The following CIITA variants were observed in gnomAD, a reference collection of about 807,000 sequenced individuals.
The protein encoded by CIITA is MHC class II transactivator.
In CIITA, 72 loss-of-function variants were observed where a neutral mutation model predicts 115.1. That is an observed-to-expected ratio of 0.63 (90% confidence interval 0.52 to 0.76). The LOEUF (loss-of-function observed/expected upper bound fraction) is 0.76, where lower values mean the gene tolerates loss of function less well. Among genes scored for constraint, CIITA ranks in the 30% least tolerant of loss-of-function variants. CIITA has a pLI of 0.00. For missense variants in CIITA, 1,617 were observed against 1,463.8 expected, an observed-to-expected ratio of 1.10 and a Z score of -1.71; for synonymous variants, 763 against 635.6, an observed-to-expected ratio of 1.20 and a Z score of -3.02.
intron 3 of CIITA, among the ~76,000 whole-genome samples, 178 bp from the exon 4 acceptor site, chr16:10,898,492 T>C (rs1170462460): frequency 6.6e-6 from 1 of 151,446 alleles, no homozygotes; most frequent in East Asian, 2.0e-4. Flanking sequence ...TTTGATTAGA[T>C]TAAGGGCCCC....
chr16:10,918,717 T>C (rs934387723), intron 16 of CIITA, among the ~76,000 whole-genome samples, 191 bp downstream of exon 16: 4 of 152,246 alleles, frequency 2.6e-5, no homozygotes, highest in African/African-American at 9.6e-5. Context: ...GCCGCTGTTT[T>C]CTTACCTGGA....
At chr16:10,903,004 G>T (rs2038893763) in intron 8 of CIITA, among the ~76,000 whole-genome samples, 1 of 152,216 alleles carries the variant, frequency 6.6e-6, no homozygotes. Context: ...CTGGGTGCAT[G>T]ACCAAGAGTG....
intron 15 of CIITA, among the ~76,000 whole-genome samples, chr16:10,917,831 C>T (rs1567442623): frequency 6.6e-6 from 1 of 152,162 alleles, no homozygotes; most frequent in Admixed American, 6.5e-5. Flanking sequence ...CCCACACTCC[C>T]CCTCACAACC....
Position 10,883,759 on chromosome 16 carries a change from A to T in CIITA, c.52+6377A>T, listed in dbSNP as rs138224677. Among the ~76,000 whole-genome samples the T allele has an allele frequency of 3.3e-3, 502 of 152,330 alleles. 3 individuals carry two copies. Among genetic ancestry groups the T allele is most frequent in the African/African-American group, 0.012 (484 of 41,574 alleles). On this transcript the variant is annotated intron_variant, in intron 1 of 19. Transcript: ENST00000324288. ...TTACTGGGGACATTCACAGGAGGGA[A>T]CACCCGAAGGAAAAGGGAAGAAAGC...
chr16:10,877,463 C>T, intron 1 of CIITA, 81 bp downstream of exon 1: 1 of 1,419,410 alleles, frequency 7.0e-7, no homozygotes, highest in Non-Finnish European at 9.8e-7. Context: ...AGAAACCATT[C>T]TGAATTGGGG....
upstream of CIITA, among the ~76,000 whole-genome samples, chr16:10,875,984 A>AG (rs1297858043): frequency 8.5e-5 from 13 of 152,262 alleles, no homozygotes; most frequent in Middle Eastern, 3.4e-3. Flanking sequence ...AAAGAAAAAA[A>AG]GAAAAGAAAA....
chr16:10,902,848 C>T, intron 8 of CIITA, 47 bp downstream of exon 8: 3 of 1,610,398 alleles, frequency 1.9e-6, no homozygotes, highest in Non-Finnish European at 8.5e-7. Flanking sequence ...TCCTACCTGA[C>T]TGCTCCCTGA....
Position 10,918,123 on chromosome 16 carries a change from G to A in CIITA, c.3063-317G>A, listed in dbSNP as rs563091479. Among the ~76,000 whole-genome samples the A allele has an allele frequency of 8.5e-5, 13 of 152,280 alleles. No individual in the cohort carries two copies. The South Asian group carries it at 2.7e-3, about 32-fold the overall frequency. ...GTGAAGCCCACAACCCGGCAGAAAGGATTACACAGCCATTAAACAAATAAT... is the reference window on the plus strand; with the variant it reads ...GTGAAGCCCACAACCCGGCAGAAAGAATTACACAGCCATTAAACAAATAAT... On this transcript the variant is annotated intron_variant, in intron 15 of 19. Transcript: ENST00000324288.
intron 4 of CIITA, 51 bp downstream of exon 4, chr16:10,898,783 T>C: frequency 6.2e-7 from 1 of 1,609,654 alleles, no homozygotes; most frequent in Non-Finnish European, 8.5e-7. Context: ...ATTTCCTGCC[T>C]TGTTCCCTGG....
rs560896832 is a variant in CIITA at position 10,920,843 on chromosome 16, C to T, written c.3150-1324C>T. Among the ~76,000 whole-genome samples the T allele has an allele frequency of 2.0e-5, 3 of 152,316 alleles. No homozygotes were observed. In the East Asian group the frequency reaches 5.8e-4, roughly 29 times the overall value. On this transcript the variant is annotated intron_variant, in intron 16 of 19. Transcript: ENST00000324288. The surrounding 1 kb of genome is among the most constrained non-coding windows in gnomAD (Gnocchi z 4.5). ...TGTGAGTTGATTTAGCCTGAATCCA[C>T]TTGGCAGCAGTGTAAACCTGCTGCA... is the stretch of plus-strand genomic sequence containing the variant.
chr16:10,881,118 C>T (rs2036384150), intron 1 of CIITA, among the ~76,000 whole-genome samples: 1 of 151,888 alleles, frequency 6.6e-6, no homozygotes, highest in Admixed American at 6.6e-5. Context: ...TACTAAAACA[C>T]TTTTTTGTGT....
At chr16:10,896,253 A>C (rs1027347405) in intron 3 of CIITA, among the ~76,000 whole-genome samples, 54 of 152,354 alleles carry the variant, frequency 3.5e-4, no homozygotes, top group African/African-American at 1.2e-3. Flanking sequence ...TTTACAAATG[A>C]GGAAATTGAG....
intron 1 of CIITA, among the ~76,000 whole-genome samples, chr16:10,867,866 C>T (rs1354125122): frequency 6.6e-6 from 1 of 152,200 alleles, no homozygotes; most frequent in African/African-American, 2.4e-5. Flanking sequence ...AGTGATCCTC[C>T]CACCTCAGCC....
intron 1 of CIITA, among the ~76,000 whole-genome samples, chr16:10,877,607 T>C: frequency 6.6e-6 from 1 of 152,164 alleles, no homozygotes; most frequent in East Asian, 1.9e-4. Context: ...GAACCATGTA[T>C]CAGCACCGAA....
chr16:10,884,793 T>A (rs1334462817), intron 1 of CIITA, among the ~76,000 whole-genome samples: 1 of 152,128 alleles, frequency 6.6e-6, no homozygotes. Context: ...TGCTGCAACT[T>A]TAGTGCTTCC....
At chr16:10,874,690 G>C (rs777285249), upstream of CIITA, among the ~76,000 whole-genome samples, 14 of 152,244 alleles carry the variant, frequency 9.2e-5, no homozygotes, top group East Asian at 2.7e-3. Flanking sequence ...GGAAGATGTA[G>C]ATGAGGAAGG....
chr16:10,896,957 T>C (rs1181235085), intron 3 of CIITA, among the ~76,000 whole-genome samples: 3 of 152,082 alleles, frequency 2.0e-5, no homozygotes, highest in Admixed American at 6.5e-5. Flanking sequence ...GAAGCAGAAG[T>C]GATTGGGGCT....
In CIITA at chr16:10,918,524, A is replaced by C. The variant is rs2040086121; in HGVS notation, c.3147A>C (p.Leu1049=). The change falls in exon 16 of 20, where the codon CTA becomes CTC. Residue 1049 remains leucine, a splice_region_variant and synonymous_variant. Transcript: ENST00000324288. ...LPSLAASLLR[L]SLYNNCICDV... ...CGCTCGCTGCATCCCTGCTCAGGCT[A>C]AGGTGAGTGGGGCCCCGGATACCGG... The C allele has an allele frequency of 2.5e-6, 4 of 1,613,990 alleles. No homozygotes were observed. In the East Asian group the frequency reaches 8.9e-5, roughly 36 times the overall value.
chr16:10,915,940 C>G (rs1234789459), intron 14 of CIITA, among the ~76,000 whole-genome samples: 1 of 152,226 alleles, frequency 6.6e-6, no homozygotes, highest in African/African-American at 2.4e-5. Context: ...TGAGATGACG[C>G]CACATCAGAT....
Sources: gnomAD v4.1 joint callset for allele counts (sites outside exome capture counted in the v4.1 genomes callset) on GRCh38, gnomAD v4.1.1 for gene constraint, Gnocchi (gnomAD v3.1) non-coding constraint, MANE v1.5 for transcripts, NCBI Gene and HGNC (gene_info 2026-07-23, HGNC 2026-07-21) for gene names.